Variants in NBAS observed in about 807,000 individuals in gnomAD.
The protein encoded by NBAS is NBAS subunit of NRZ tethering complex.
NBAS carries 219 observed loss-of-function variants against 302.5 expected under a neutral mutation model. The observed-to-expected ratio is 0.72, with a 90% CI of 0.65 to 0.81. The LOEUF (loss-of-function observed/expected upper bound fraction) is 0.81. Ranked by LOEUF, NBAS falls within the 30% of genes least tolerant of loss-of-function variation. NBAS has a pLI of 0.00. For missense variants in NBAS, 2,932 were observed against 2,841.6 expected, an observed-to-expected ratio of 1.03 and a Z score of -0.72; for synonymous variants, 1,118 against 1,021.6, an observed-to-expected ratio of 1.09 and a Z score of -1.80.
intron 35 of NBAS, among the ~76,000 whole-genome samples, chr2:15,340,469 C>T (rs575423177): frequency 2.0e-5 from 3 of 152,210 alleles, no homozygotes; most frequent in African/African-American, 7.2e-5. Flanking sequence ...AGGAAGAGGG[C>T]TGAAATCAGT....
At chr2:15,343,613 T>C (rs1672956642) in intron 35 of NBAS, among the ~76,000 whole-genome samples, 1 of 152,152 alleles carries the variant, frequency 6.6e-6, no homozygotes, top group Non-Finnish European at 1.5e-5. Flanking sequence ...TATTAATTTT[T>C]ATTGTGATAT....
At position 15,555,364 on chromosome 2, in the gene NBAS, A is replaced by G. The variant is rs567095167; in HGVS notation, c.210-1226T>C. On this transcript the variant is annotated intron_variant, in intron 3 of 51. Coordinates refer to ENST00000281513, the MANE Select transcript of NBAS (RefSeq NM_015909.4). ...ACAGTTACAAAAATATAATGAAGAT[A>G]CAAAACATGTATGTGAATACTACCT... is the stretch of plus-strand genomic sequence containing the variant. 3.3e-5 allele frequency among the ~76,000 whole-genome samples: 5 copies of G among 152,278 alleles called. No individual in the cohort carries two copies. In the East Asian group the frequency reaches 9.6e-4, roughly 29 times the overall value.
Position 15,431,586 on chromosome 2 carries a change from C to A in NBAS, c.2340-3792G>T, listed in dbSNP as rs147928492. The stretch of plus-strand genomic sequence containing the variant: ...TAGGTTGAATTAATTGACAACACAA[C>A]AAAAAAATTTTAAAATGATCTCATG... On this transcript the variant is annotated intron_variant, in intron 21 of 51. Coordinates refer to ENST00000281513, the MANE Select transcript of NBAS (RefSeq NM_015909.4). Among the ~76,000 whole-genome samples the A allele has an allele frequency of 5.0e-3, 762 of 151,568 alleles. 9 individuals carry two copies. The highest frequency in any genetic ancestry group is 0.017 in the African/African-American group (704 of 41,310).
chr2:15,093,591 C>G, the NBAS span, among the ~76,000 whole-genome samples: 8 of 152,262 alleles, frequency 5.3e-5, no homozygotes, highest in East Asian at 1.2e-3. Context: ...AGAGATGATT[C>G]TAGGAAATTC....
chr2:15,121,474 CAAACACTAGGACA>C, the NBAS span, among the ~76,000 whole-genome samples: 20,522 of 151,992 alleles, frequency 0.14, 2,628 homozygotes, highest in African/African-American at 0.32. Context: ...AGGTACACGT[CAAACACTAGGACA>C]AAACACTAGG....
intron 29 of NBAS, among the ~76,000 whole-genome samples, chr2:15,382,616 TG>T (rs1395556675): frequency 6.6e-6 from 1 of 152,234 alleles, no homozygotes; most frequent in Admixed American, 6.5e-5. Context: ...GAGGAAATGA[TG>T]ACAGGCTTGA....
Position 15,276,996 on chromosome 2 carries a change from G to A in NBAS, c.5244C>T (p.Tyr1748=), listed in dbSNP as rs1485631724. 16 of 1,613,846 alleles carry A rather than the reference G, an allele frequency of 9.9e-6. No individual in the cohort carries two copies. Among genetic ancestry groups the A allele is most frequent in the Non-Finnish European group, 1.4e-5 (16 of 1,179,970 alleles). Residue 1748 remains tyrosine, a synonymous_variant, in exon 43 of 52, where the codon TAC becomes TAT. Transcript: ENST00000281513. ...AFHQHMVKYI[Y]PTIGGFDHER... is the part of the protein sequence containing the mutation. ...CGTGATCAAAGCCACCAATAGTAGGGTAAATATACTTGACCATGTGCTGGT... is the reference window on the plus strand; with the variant it reads ...CGTGATCAAAGCCACCAATAGTAGGATAAATATACTTGACCATGTGCTGGT...
At chr2:15,220,538 G>T (rs1369630391) in intron 47 of NBAS, among the ~76,000 whole-genome samples, 1 of 152,080 alleles carries the variant, frequency 6.6e-6, no homozygotes, top group Non-Finnish European at 1.5e-5. Context: ...GGTTATTATA[G>T]GACTGTGAAG....
the NBAS span, among the ~76,000 whole-genome samples, chr2:15,002,983 A>G: frequency 6.6e-6 from 1 of 152,248 alleles, no homozygotes; most frequent in African/African-American, 2.4e-5. Context: ...GGGGGCTCCC[A>G]CGGTGCAGCG....
intron 47 of NBAS, among the ~76,000 whole-genome samples, chr2:15,220,735 C>G (rs1572473792): frequency 6.6e-6 from 1 of 152,184 alleles, no homozygotes; most frequent in South Asian, 2.1e-4. Flanking sequence ...TGCTAAAGCA[C>G]TGAATTATAC....
In NBAS at chr2:15,276,838, A is replaced by G; in HGVS notation, c.5389+13T>C. On this transcript the variant is annotated intron_variant, in intron 43 of 51. Transcript: ENST00000281513. Reference sequence around the variant, plus strand: ...GAAAAGAATGAATTCAAGCAGGGAAACAACCATCCTACCTGATGCAACAAC... The same window carrying G: ...GAAAAGAATGAATTCAAGCAGGGAAGCAACCATCCTACCTGATGCAACAAC... 1.2e-6 allele frequency: 2 copies of G among 1,614,022 alleles called. No individual in the cohort carries two copies. Among genetic ancestry groups the G allele is most frequent in the Non-Finnish European group, 1.7e-6 (2 of 1,179,902 alleles).
the NBAS span, among the ~76,000 whole-genome samples, chr2:15,062,048 G>C: frequency 6.6e-6 from 1 of 152,180 alleles, no homozygotes; most frequent in Non-Finnish European, 1.5e-5. Context: ...AGCAGCCACA[G>C]AAGGTGCCAT....
At chr2:15,535,732 T>C (rs931872401) in intron 8 of NBAS, among the ~76,000 whole-genome samples, 5 of 152,180 alleles carry the variant, frequency 3.3e-5, no homozygotes, top group African/African-American at 9.7e-5. Flanking sequence ...AAAAAGTCTG[T>C]ACATGTTCAA....
intron 12 of NBAS, among the ~76,000 whole-genome samples, chr2:15,487,923 C>T (rs944426380): frequency 3.3e-5 from 5 of 152,062 alleles, no homozygotes; most frequent in Admixed American, 2.0e-4. Context: ...AAAATATCTT[C>T]CTAAAGCTGT....
rs549433337 is a variant in NBAS at position 15,362,418 on chromosome 2, G to T, written c.3817+4162C>A. The stretch of plus-strand genomic sequence containing the variant: ...AGCTAGTCAGGAGGCTGAGGCAGGA[G>T]GATCCCCTGAGCCCAGGAGTTCAAG... On this transcript the variant is annotated intron_variant, in intron 32 of 51. Transcript: ENST00000281513. Among the ~76,000 whole-genome samples the T allele has an allele frequency of 6.6e-5, 10 of 152,216 alleles. No individual in the cohort carries two copies. The South Asian group carries it at 2.1e-3, about 32-fold the overall frequency.
chr2:15,277,878 G>C (rs1669656482), intron 42 of NBAS, among the ~76,000 whole-genome samples: 1 of 152,160 alleles, frequency 6.6e-6, no homozygotes, highest in African/African-American at 2.4e-5. Flanking sequence ...ACAGAATCTG[G>C]ACAGAGCCTG....
rs1343246634 is a variant in NBAS, at chr2:15,383,196, T to C, written c.3360+19A>G. ...AAATTGTTAAATTAAAAAAAAATCG[T>C]ATATGGTTCTAGAGTTACCTCATAG... is the stretch of plus-strand genomic sequence containing the variant. On this transcript the variant is annotated intron_variant, in intron 29 of 51. Coordinates refer to ENST00000281513, the MANE Select transcript of NBAS (RefSeq NM_015909.4). 1.3e-6 allele frequency: 2 copies of C among 1,589,776 alleles called. No individual in the cohort carries two copies. The highest frequency in any genetic ancestry group is 1.3e-5 in the African/African-American group (1 of 74,308).
chr2:15,461,449 C>T, intron 20 of NBAS, 112 bp from the exon 21 acceptor site: 5 of 1,137,782 alleles, frequency 4.4e-6, no homozygotes, highest in Non-Finnish European at 6.6e-6. Flanking sequence ...ATATGAAACA[C>T]CTTGAAATGA....
rs776746028 is a variant in NBAS, at chr2:15,534,553, G to A, written c.736C>T (p.Pro246Ser). 6.2e-6 allele frequency: 10 copies of A among 1,604,726 alleles called. No individual in the cohort carries two copies. The highest frequency in any genetic ancestry group is 1.1e-5 in the South Asian group (1 of 90,940). Residue 246 changes from proline (P) to serine (S), a missense_variant, in exon 9 of 52, where the codon CCT becomes TCT. By Grantham distance (74) the Pro-to-Ser change is moderately conservative. Transcript: ENST00000281513. Reference protein sequence around the residue: ...PHGINTAIYHPGHRLLLVGGC... With the variant: ...PHGINTAIYHSGHRLLLVGGC... ...CAAATGGTTACTTACCTGTGACCAGGGTGGTAAATAGCTGTGTTGATTCCA... is the reference window on the plus strand; with the variant it reads ...CAAATGGTTACTTACCTGTGACCAGAGTGGTAAATAGCTGTGTTGATTCCA...
Sources: allele counts gnomAD v4.1 joint callset (sites outside exome capture counted in the v4.1 genomes callset), GRCh38; gene constraint gnomAD v4.1.1; transcripts MANE v1.5; gene names NCBI Gene and HGNC (gene_info 2026-07-23, HGNC 2026-07-21).